Variants in CSMD1 observed in about 807,000 individuals in gnomAD.
CSMD1 encodes the protein CUB and Sushi multiple domains 1.
CSMD1 carries 213 observed loss-of-function variants against 417.5 expected under a neutral mutation model. That is an observed-to-expected ratio of 0.51 (90% confidence interval 0.46 to 0.57). The LOEUF is 0.57. Among genes scored for constraint, CSMD1 ranks in the 20% least tolerant of loss-of-function variants. The pLI, the probability that CSMD1 is intolerant of heterozygous loss-of-function variation, is 0.00. For missense variants in CSMD1, 6,923 were observed against 4,529.7 expected (o/e 1.53, Z -15.17); for synonymous variants, 2,862 against 1,736.8 (o/e 1.65, Z -16.11).
intron 7 of CSMD1, among the ~76,000 whole-genome samples, chr8:3,671,531 ATATATATATATATGAT>A (rs1799049287): frequency 3.2e-4 from 2 of 6,260 alleles, no homozygotes; most frequent in Admixed American, 2.8e-3. Context: ...ATATGATCAT[ATATATATATATATGAT>A]CATATATATG....
chr8:3,399,768 T>C (rs1195242298), intron 15 of CSMD1, among the ~76,000 whole-genome samples: 2 of 152,258 alleles, frequency 1.3e-5, no homozygotes, highest in Admixed American at 6.5e-5. Context: ...AATGGTAATG[T>C]ATACGTGAGT....
chr8:4,548,853 T>C (rs949270382), intron 2 of CSMD1, among the ~76,000 whole-genome samples: 2 of 152,162 alleles, frequency 1.3e-5, no homozygotes, highest in Admixed American at 6.5e-5. Context: ...GGACATGTGA[T>C]GCGCGCAGGA....
chr8:3,303,971 A>G (rs573872334), intron 25 of CSMD1, among the ~76,000 whole-genome samples: 17 of 145,054 alleles, frequency 1.2e-4, no homozygotes, highest in Non-Finnish European at 2.6e-4. Context: ...ATTTTGGGGT[A>G]TTCGATTACC....
intron 1 of CSMD1, among the ~76,000 whole-genome samples, chr8:4,827,310 GT>G (rs1799891140): frequency 6.6e-6 from 1 of 152,022 alleles, no homozygotes; most frequent in Admixed American, 6.6e-5. Context: ...GACCAGAATG[GT>G]TTTCATTTTA....
At chr8:4,813,274 G>C (rs1023327555) in intron 1 of CSMD1, among the ~76,000 whole-genome samples, 1 of 151,986 alleles carries the variant, frequency 6.6e-6, no homozygotes, top group Non-Finnish European at 1.5e-5. Flanking sequence ...TGATCTTTCT[G>C]TTAAAAAATA....
At chr8:4,604,883 G>C (rs1329067545) in intron 2 of CSMD1, among the ~76,000 whole-genome samples, 1 of 152,110 alleles carries the variant, frequency 6.6e-6, no homozygotes, top group Non-Finnish European at 1.5e-5. Flanking sequence ...GATTTACTTT[G>C]ACTCTGACGG....
At chr8:3,689,692 TC>T (rs1388349680) in intron 7 of CSMD1, among the ~76,000 whole-genome samples, 1 of 150,672 alleles carries the variant, frequency 6.6e-6, no homozygotes, top group African/African-American at 2.4e-5. Flanking sequence ...CTCACGTCAA[TC>T]CTATGAGTAA....
intron 3 of CSMD1, among the ~76,000 whole-genome samples, chr8:4,395,275 C>T (rs1668409909): frequency 6.6e-6 from 1 of 152,148 alleles, no homozygotes; most frequent in African/African-American, 2.4e-5. Context: ...CCAGAACTAC[C>T]ACAAAGAAGG....
chr8:3,918,744 G>C lies in CSMD1; in HGVS notation c.818+79159C>G, dbSNP rs748855010. 8.5e-5 allele frequency among the ~76,000 whole-genome samples: 13 copies of C among 152,192 alleles called. No individual in the cohort carries two copies. The Middle Eastern group carries it at 0.01, about 119-fold the overall frequency. Reference sequence around the variant, plus strand: ...ATTTGCAGCAACCTGGATGGTATTAGAGACTATTCTTCTAAGTGAAGTAAC... The same window carrying C: ...ATTTGCAGCAACCTGGATGGTATTACAGACTATTCTTCTAAGTGAAGTAAC... On this transcript the variant is annotated intron_variant, in intron 5 of 69. Transcript: ENST00000635120.
chr8:3,408,118 G>A lies in CSMD1; in HGVS notation c.1852C>T (p.Pro618Ser). 1 of 1,613,720 alleles carries A rather than the reference G, an allele frequency of 6.2e-7. No individual in the cohort carries two copies. The highest frequency in any genetic ancestry group is 2.2e-5 in the East Asian group (1 of 44,876). ...AAGATTAGGTGAATTCGACTTCCTG[G>A]CTCCGAGATAATCAACCAGACACAG... Reference protein sequence around the residue: ...MNCVWLIISEPGSRIHLIFND... With the variant: ...MNCVWLIISESGSRIHLIFND... Residue 618 changes from proline (P) to serine (S), a missense_variant, in exon 14 of 70, where the codon CCA becomes TCA. Transcript: ENST00000635120.
At position 3,132,001 on chromosome 8, in the gene CSMD1, C is replaced by T. The variant is rs528803081; in HGVS notation, c.6241+10464G>A. 2.7e-4 allele frequency among the ~76,000 whole-genome samples: 41 copies of T among 152,254 alleles called. No individual in the cohort carries two copies. The East Asian group carries it at 6.9e-3, about 26-fold the overall frequency. ...CCTTCACAATCCAATACCATCACTC[C>T]ACTGGCTCATGTCCAAACTCATCCT... On this transcript the variant is annotated intron_variant, in intron 41 of 69. Transcript: ENST00000635120.
intron 3 of CSMD1, among the ~76,000 whole-genome samples, chr8:4,330,920 T>C (rs1465601247): frequency 2.0e-5 from 3 of 152,098 alleles, no homozygotes; most frequent in African/African-American, 4.8e-5. Context: ...GCACCCTACA[T>C]TGGATTCACT....
At chr8:3,614,599 T>A (rs149862600) in intron 8 of CSMD1, among the ~76,000 whole-genome samples, 2 of 152,320 alleles carry the variant, frequency 1.3e-5, no homozygotes, top group African/African-American at 4.8e-5. Flanking sequence ...AAGTGCAATT[T>A]GAAGAATTTG....
At chr8:4,189,867 G>A (rs966627498) in intron 3 of CSMD1, among the ~76,000 whole-genome samples, 12 of 152,072 alleles carry the variant, frequency 7.9e-5, no homozygotes, top group East Asian at 3.9e-4. Context: ...TTTGTGGTAC[G>A]TAATACATAG....
intron 5 of CSMD1, among the ~76,000 whole-genome samples, chr8:3,812,564 A>C (rs565236332): frequency 2.0e-5 from 3 of 152,312 alleles, no homozygotes; most frequent in Admixed American, 2.0e-4. Context: ...ATCCTCGGAG[A>C]CCTTGCTTAT....
intron 7 of CSMD1, among the ~76,000 whole-genome samples, chr8:3,706,631 T>A (rs984908789): frequency 1.3e-5 from 2 of 152,214 alleles, no homozygotes; most frequent in African/African-American, 4.8e-5. Context: ...GCCTCAATCT[T>A]ACAGTAGCAG....
At chr8:4,128,349 C>A (rs535767812) in intron 3 of CSMD1, among the ~76,000 whole-genome samples, 2 of 152,242 alleles carry the variant, frequency 1.3e-5, no homozygotes, top group African/African-American at 2.4e-5. Flanking sequence ...GAACGTGAAC[C>A]AAGTAAAAAC....
At chr8:2,963,842 G>T (rs1179373749) in intron 59 of CSMD1, among the ~76,000 whole-genome samples, 1 of 152,198 alleles carries the variant, frequency 6.6e-6, no homozygotes, top group Non-Finnish European at 1.5e-5. Context: ...AAAAGACACA[G>T]TCGGTCCATC....
intron 1 of CSMD1, among the ~76,000 whole-genome samples, chr8:4,874,867 G>A (rs569964353): frequency 2.6e-4 from 38 of 148,108 alleles, no homozygotes; most frequent in African/African-American, 9.0e-4. Flanking sequence ...ATATAGTATA[G>A]TGTATATATA....
Sources: allele counts gnomAD v4.1 joint callset (sites outside exome capture counted in the v4.1 genomes callset), GRCh38; gene constraint gnomAD v4.1.1; transcripts MANE v1.5; gene names NCBI Gene and HGNC (gene_info 2026-07-23, HGNC 2026-07-21).